The following MYO3B variants were observed in gnomAD, a reference collection of about 807,000 sequenced individuals.
MYO3B encodes the protein myosin-IIIb.
MYO3B carries 156 observed loss-of-function variants against 174.6 expected under a neutral mutation model. That is an observed-to-expected ratio of 0.89 (90% CI 0.78 to 1.02). The LOEUF (loss-of-function observed/expected upper bound fraction) is 1.02, where lower values mean the gene tolerates loss of function less well. Among genes scored for constraint, MYO3B ranks in the 50% least tolerant of loss-of-function variants. MYO3B has a pLI of 0.00. For synonymous variants in MYO3B, 563 were observed against 569.1 expected, an observed-to-expected ratio of 0.99 and a Z score of 0.15; for missense variants, 1,632 against 1,639.4, an observed-to-expected ratio of 1.00 and a Z score of 0.08.
At chr2:170,466,396 A>T in intron 24 of MYO3B, 110 bp from the exon 25 acceptor site, 1 of 919,906 alleles carries the variant, frequency 1.1e-6, no homozygotes, top group Non-Finnish European at 1.7e-6. Context: ...GTTCTTCCTC[A>T]AGAAGGTCTG....
intron 32 of MYO3B, among the ~76,000 whole-genome samples, chr2:170,631,811 A>T (rs183971640): frequency 3.3e-5 from 5 of 152,306 alleles, no homozygotes; most frequent in African/African-American, 1.2e-4. Flanking sequence ...AAGATCTACC[A>T]AGCAAACGGA....
At chr2:170,492,546 C>T (rs1021414467) in intron 25 of MYO3B, among the ~76,000 whole-genome samples, 2 of 152,208 alleles carry the variant, frequency 1.3e-5, no homozygotes, top group African/African-American at 4.8e-5. Context: ...AATCTGACAA[C>T]TGATCAGGAA....
intron 32 of MYO3B, among the ~76,000 whole-genome samples, chr2:170,643,072 C>T (rs900690507): frequency 5.3e-5 from 8 of 151,726 alleles, no homozygotes; most frequent in Non-Finnish European, 1.2e-4. Context: ...TTGACCCGGG[C>T]ATTAGTATTT....
At chr2:170,635,465 G>T (rs1697378495) in intron 32 of MYO3B, among the ~76,000 whole-genome samples, 1 of 152,172 alleles carries the variant, frequency 6.6e-6, no homozygotes, top group East Asian at 1.9e-4. Context: ...GCCTGTCGTG[G>T]GGTGGGGGGA....
chr2:170,220,621 T>A (rs2105379625), intron 6 of MYO3B, among the ~76,000 whole-genome samples: 1 of 118,294 alleles, frequency 8.5e-6, no homozygotes, highest in African/African-American at 3.4e-5. Context: ...AGAGCCAGAT[T>A]CCGTCTCAAA....
intron 24 of MYO3B, among the ~76,000 whole-genome samples, chr2:170,464,980 C>T (rs886456802): frequency 9.9e-5 from 15 of 151,906 alleles, no homozygotes; most frequent in African/African-American, 3.6e-4. Context: ...GATTCTCCTG[C>T]GTCAGCCTCC....
In MYO3B at chr2:170,535,908, T is replaced by C. The variant is rs143535487; in HGVS notation, c.3576-6998T>C. Among the ~76,000 whole-genome samples the C allele has an allele frequency of 5.2e-3, 799 of 152,362 alleles. 6 individuals carry two copies. Among genetic ancestry groups the C allele is most frequent in the African/African-American group, 0.018 (747 of 41,598 alleles). Reference sequence around the variant, plus strand: ...ATACCCTTCTCCACTACTGCGTCTCTTGTTTTATCCCTGAACTTTCTCTCA... The same window carrying C: ...ATACCCTTCTCCACTACTGCGTCTCCTGTTTTATCCCTGAACTTTCTCTCA... On this transcript the variant is annotated intron_variant, in intron 30 of 34. Transcript: ENST00000408978.
At chr2:170,491,646 C>A (rs924680353) in intron 25 of MYO3B, among the ~76,000 whole-genome samples, 1 of 152,218 alleles carries the variant, frequency 6.6e-6, no homozygotes, top group Non-Finnish European at 1.5e-5. Context: ...AGGACGGTCT[C>A]AATCTCCTGA....
chr2:170,298,844 T>C (rs1449999432), intron 7 of MYO3B, among the ~76,000 whole-genome samples: 1 of 152,132 alleles, frequency 6.6e-6, no homozygotes, highest in East Asian at 1.9e-4. Flanking sequence ...TATATGACAG[T>C]GGTCCCTTAA....
intron 1 of MYO3B, among the ~76,000 whole-genome samples, chr2:170,189,211 G>A (rs1298689653): frequency 2.0e-5 from 3 of 152,034 alleles, no homozygotes. Flanking sequence ...GGAGCTCTTT[G>A]TATGTAATTT....
intron 32 of MYO3B, among the ~76,000 whole-genome samples, chr2:170,626,877 C>T (rs1328868234): frequency 3.9e-5 from 6 of 152,184 alleles, no homozygotes; most frequent in African/African-American, 1.4e-4. Context: ...ATATGGGCCC[C>T]CACTCTCTTC....
chr2:170,468,680 C>T (rs1042140744), intron 25 of MYO3B, among the ~76,000 whole-genome samples: 2 of 152,150 alleles, frequency 1.3e-5, no homozygotes, highest in Non-Finnish European at 2.9e-5. Context: ...ATGTTCTCGA[C>T]TAGGCATGAA....
intron 6 of MYO3B, among the ~76,000 whole-genome samples, chr2:170,223,015 T>C (rs1336644303): frequency 6.6e-6 from 1 of 152,184 alleles, no homozygotes; most frequent in Non-Finnish European, 1.5e-5. Flanking sequence ...CCTTTGGTGT[T>C]TGAGGCAAAC....
intron 7 of MYO3B, among the ~76,000 whole-genome samples, chr2:170,253,965 A>C: frequency 6.6e-6 from 1 of 152,132 alleles, no homozygotes; most frequent in Non-Finnish European, 1.5e-5. Context: ...AGAGAAAACA[A>C]AATATGCAGT....
intron 3 of MYO3B, 122 bp from the exon 4 acceptor site, chr2:170,214,257 G>A (rs749033219): frequency 1.5e-4 from 101 of 687,454 alleles, no homozygotes; most frequent in Admixed American, 4.7e-4. Flanking sequence ...CCAAGCTGGA[G>A]TTTTGTAATC....
intron 1 of MYO3B, among the ~76,000 whole-genome samples, chr2:170,179,141 C>T (rs933755087): frequency 5.3e-5 from 8 of 152,106 alleles, no homozygotes; most frequent in Admixed American, 2.0e-4. Flanking sequence ...GCAGCCAACC[C>T]ACCATAGCAC....
intron 8 of MYO3B, chr2:170,343,664 G>A (rs2093994251): frequency 6.6e-6 from 1 of 152,270 alleles, no homozygotes; most frequent in Non-Finnish European, 1.5e-5. Flanking sequence ...GTACTACAGA[G>A]AGAGAAGAGT....
intron 15 of MYO3B, 150 bp downstream of exon 15, chr2:170,391,768 C>G: frequency 1.7e-6 from 1 of 580,714 alleles, no homozygotes; most frequent in Non-Finnish European, 3.0e-6. Flanking sequence ...AAGTATCCAC[C>G]ATTTTCATTG....
At position 170,402,859 on chromosome 2, in the gene MYO3B, G is replaced by T. The variant is rs267599006; in HGVS notation, c.2141G>T (p.Gly714Val). The change falls in exon 19 of 35, where the codon GGT becomes GTT. Residue 714 changes from glycine to valine, a missense_variant. Coordinates refer to ENST00000408978, the MANE Select transcript of MYO3B (RefSeq NM_138995.5). The stretch of plus-strand genomic sequence containing the variant: ...TCTCTCTCATGCAGTAGTGCAGGAG[G>T]TGGAATGAATGTGGGGATCTTGGAT... Reference protein sequence around the residue: ...QPDENICSAGGGMNVGILDIF... With the variant: ...QPDENICSAGVGMNVGILDIF... 1 of 1,610,152 alleles carries T rather than the reference G, an allele frequency of 6.2e-7. No homozygotes were observed. The highest frequency in any genetic ancestry group is 1.7e-5 in the Admixed American group (1 of 59,968).
Sources: allele counts gnomAD v4.1 joint callset (sites outside exome capture counted in the v4.1 genomes callset), GRCh38; gene constraint gnomAD v4.1.1; transcripts MANE v1.5; gene names NCBI Gene and HGNC (gene_info 2026-07-23, HGNC 2026-07-21).